The following DCDC1 variants were observed in gnomAD, a reference collection of about 807,000 sequenced individuals.
DCDC1 encodes the protein doublecortin domain-containing protein 1.
DCDC1 carries 200 observed loss-of-function variants against 178.3 expected under a neutral mutation model. The ratio of observed to expected loss-of-function variants is 1.12; its 90% CI spans 1.00 to 1.26. The LOEUF (loss-of-function observed/expected upper bound fraction) is 1.26, where lower values mean the gene tolerates loss of function less well. Ranked by LOEUF, DCDC1 falls within the 50% of genes most tolerant of loss-of-function variation. The pLI is 0.00. For missense variants in DCDC1, 1,983 were observed against 1,749.2 expected (o/e 1.13, Z -2.38); for synonymous variants, 690 against 604.8 (o/e 1.14, Z -2.07).
chr11:31,329,558 C>T (rs1949851007), intron 2 of DCDC1, among the ~76,000 whole-genome samples: 2 of 152,130 alleles, frequency 1.3e-5, no homozygotes, highest in African/African-American at 4.8e-5. Context: ...CTGCCCCCCA[C>T]CCCACAACAG....
In DCDC1 at chr11:30,931,809, A is replaced by G; in HGVS notation, c.2859T>C (p.Thr953=). The part of the protein sequence containing the change: ...NGEKNKNRSV[T]ILGPDISPGR... ...CAGGTGAGATATCTGGACCAAGGAT[A>G]GTAACGGATCTGTTTTTATTCTTCT... Residue 953 remains threonine, a synonymous_variant, in exon 22 of 39, where the codon ACT becomes ACC. Coordinates refer to ENST00000684477, the MANE Select transcript of DCDC1 (RefSeq NM_001387274.1). 6.2e-7 allele frequency: 1 copy of G among 1,612,752 alleles called. No homozygotes were observed. The highest frequency in any genetic ancestry group is 8.5e-7 in the Non-Finnish European group (1 of 1,179,164).
At chr11:31,187,713 C>T (rs1969668750) in intron 9 of DCDC1, among the ~76,000 whole-genome samples, 1 of 152,160 alleles carries the variant, frequency 6.6e-6, no homozygotes, top group Admixed American at 6.6e-5. Flanking sequence ...ATCAAAGGAT[C>T]CAGTTACTAA....
intron 10 of DCDC1, among the ~76,000 whole-genome samples, chr11:31,136,579 C>T (rs963645655): frequency 2.6e-5 from 4 of 152,038 alleles, no homozygotes; most frequent in Admixed American, 6.5e-5. Flanking sequence ...AGCTTGAATG[C>T]ATTTATTTAC....
At chr11:31,346,894 T>C (rs1313705711) in intron 1 of DCDC1, among the ~76,000 whole-genome samples, 1 of 152,232 alleles carries the variant, frequency 6.6e-6, no homozygotes, top group Non-Finnish European at 1.5e-5. Context: ...TTTAAACAAA[T>C]CATATGGAAT....
chr11:30,877,278 GC>G (rs1942222449), intron 38 of DCDC1, among the ~76,000 whole-genome samples: 1 of 152,108 alleles, frequency 6.6e-6, no homozygotes, highest in Non-Finnish European at 1.5e-5. Context: ...AGTGAACCCA[GC>G]TGAGCCATTC....
At chr11:31,178,337 C>A in intron 9 of DCDC1, among the ~76,000 whole-genome samples, 1 of 152,172 alleles carries the variant, frequency 6.6e-6, no homozygotes, top group East Asian at 1.9e-4. Flanking sequence ...TGGATATTCA[C>A]ATGCAGAAGA....
intron 20 of DCDC1, among the ~76,000 whole-genome samples, chr11:30,999,145 G>T (rs1443435994): frequency 6.6e-6 from 1 of 152,146 alleles, no homozygotes; most frequent in African/African-American, 2.4e-5. Flanking sequence ...GATTAGAGGA[G>T]ACTAACGAGA....
intron 2 of DCDC1, 58 bp from the exon 3 acceptor site, chr11:31,328,344 A>G (rs1302464346): frequency 2.0e-6 from 3 of 1,468,368 alleles, no homozygotes; most frequent in Non-Finnish European, 2.7e-6. Flanking sequence ...TAGATTACAA[A>G]TAGAGGCTGG....
intron 20 of DCDC1, among the ~76,000 whole-genome samples, chr11:31,039,205 A>G (rs1042060338): frequency 7.2e-5 from 11 of 152,200 alleles, no homozygotes; most frequent in African/African-American, 2.7e-4. Context: ...TTAGTCTACT[A>G]AACCTTACAC....
rs1049931774 is a variant in DCDC1 at position 30,925,285 on chromosome 11, C to A, written c.2997+24G>T. The A allele has an allele frequency of 5.7e-6, 9 of 1,586,732 alleles. No homozygotes were observed. The African/African-American group carries it at 8.1e-5, about 14-fold the overall frequency. On this transcript the variant is annotated intron_variant, in intron 23 of 38. Transcript: ENST00000684477. ...ATGGGGTATTAATAAATTAATATTG[C>A]CAGTTTCAAATCCATGTCTTTACCA...
intron 20 of DCDC1, among the ~76,000 whole-genome samples, chr11:30,960,537 A>C (rs1233236187): frequency 1.3e-5 from 2 of 152,166 alleles, no homozygotes; most frequent in African/African-American, 4.8e-5. Flanking sequence ...TTAGAACTTT[A>C]CAGCATCAGT....
At chr11:31,025,633 G>A (rs1953177045) in intron 20 of DCDC1, among the ~76,000 whole-genome samples, 1 of 151,744 alleles carries the variant, frequency 6.6e-6, no homozygotes, top group Non-Finnish European at 1.5e-5. Flanking sequence ...CTTCATGACT[G>A]CTCTCATTTT....
intron 9 of DCDC1, among the ~76,000 whole-genome samples, chr11:31,226,320 T>C (rs1974943098): frequency 6.6e-6 from 1 of 151,916 alleles, no homozygotes; most frequent in East Asian, 1.9e-4. Flanking sequence ...ACTAATATTG[T>C]GTAACTAGAG....
intron 36 of DCDC1, among the ~76,000 whole-genome samples, chr11:30,888,738 C>T (rs1436100720): frequency 6.6e-6 from 1 of 152,092 alleles, no homozygotes; most frequent in Non-Finnish European, 1.5e-5. Context: ...AAACAAAAAA[C>T]AAAACAAAAC....
intron 21 of DCDC1, among the ~76,000 whole-genome samples, chr11:30,951,103 T>TTTCCA (rs1261098925): frequency 2.6e-5 from 4 of 152,176 alleles, no homozygotes; most frequent in African/African-American, 9.6e-5. Context: ...TTTCCAGAAA[T>TTTCCA]TCTGCAAGAT....
intron 32 of DCDC1, among the ~76,000 whole-genome samples, chr11:30,902,093 T>A (rs766065621): frequency 2.0e-5 from 3 of 152,156 alleles, no homozygotes; most frequent in Non-Finnish European, 4.4e-5. Context: ...GATATATAGA[T>A]ATACTTGCTA....
At chr11:31,279,312 G>A (rs1383232635) in intron 7 of DCDC1, among the ~76,000 whole-genome samples, 4 of 145,678 alleles carry the variant, frequency 2.7e-5, no homozygotes, top group African/African-American at 8.4e-5. Context: ...CACTATTCCC[G>A]ATCACAAATA....
intron 9 of DCDC1, among the ~76,000 whole-genome samples, chr11:31,158,361 C>A (rs921084707): frequency 6.6e-6 from 1 of 152,068 alleles, no homozygotes; most frequent in Non-Finnish European, 1.5e-5. Context: ...TTGTGATCTG[C>A]CCGCCTCGGC....
At position 30,911,788 on chromosome 11, in the gene DCDC1, C is replaced by T. The variant is rs190434158; in HGVS notation, c.3654-368G>A. ...TGCTCACTTTCTCCTGACATGGACACCACATGCTTCAGGCCTCCTAGTGTA... is the reference window on the plus strand; with the variant it reads ...TGCTCACTTTCTCCTGACATGGACATCACATGCTTCAGGCCTCCTAGTGTA... On this transcript the variant is annotated intron_variant, in intron 27 of 38. Coordinates refer to ENST00000684477, the MANE Select transcript of DCDC1 (RefSeq NM_001387274.1). Among the ~76,000 whole-genome samples the T allele has an allele frequency of 8.7e-4, 133 of 152,314 alleles. 3 individuals carry two copies. The highest frequency in any genetic ancestry group is 1.2e-3 in the South Asian group (6 of 4,830).
Sources: allele counts gnomAD v4.1 joint callset (sites outside exome capture counted in the v4.1 genomes callset), GRCh38; gene constraint gnomAD v4.1.1; transcripts MANE v1.5; gene names NCBI Gene and HGNC (gene_info 2026-07-23, HGNC 2026-07-21).